The following DCLK2 variants were observed in gnomAD, a reference collection of about 807,000 sequenced individuals.
DCLK2 encodes the protein doublecortin like kinase 2.
Under a neutral mutation model 78.4 loss-of-function variants are expected in DCLK2, and 31 were observed. That is an observed-to-expected ratio of 0.40 (90% CI 0.30 to 0.53). The LOEUF is 0.53. DCLK2 is among the 20% of genes least tolerant of loss of function. DCLK2 has a pLI of 0.61. For synonymous variants in DCLK2, 407 were observed against 374.9 expected (o/e 1.09, Z -0.99); for missense variants, 872 against 973.7 (o/e 0.90, Z 1.39).
rs143383830 is a variant in DCLK2 at position 150,115,882 on chromosome 4, G to A, written c.756+13070G>A. Among the ~76,000 whole-genome samples, 512 of 152,324 alleles carry A rather than the reference G, an allele frequency of 3.4e-3. 4 individuals are homozygous for A. Among genetic ancestry groups the A allele is most frequent in the African/African-American group, 0.011 (442 of 41,566 alleles). ...AACCGGTCATGGCTAAAGCAGGTGGGTAAATGTAATATCCAGTGGTGAACA... is the reference window on the plus strand; with the variant it reads ...AACCGGTCATGGCTAAAGCAGGTGGATAAATGTAATATCCAGTGGTGAACA... On this transcript the variant is annotated intron_variant, in intron 2 of 15. Coordinates refer to ENST00000296550, the MANE Select transcript of DCLK2 (RefSeq NM_001040260.4).
intron 12 of DCLK2, among the ~76,000 whole-genome samples, chr4:150,243,042 C>T (rs1015673331): frequency 3.3e-5 from 5 of 152,096 alleles, no homozygotes; most frequent in African/African-American, 9.7e-5. Flanking sequence ...TGAGTTTGAG[C>T]GGACTGTGTG....
At chr4:150,159,638 T>C (rs1270668034) in intron 2 of DCLK2, among the ~76,000 whole-genome samples, 1 of 152,364 alleles carries the variant, frequency 6.6e-6, no homozygotes, top group South Asian at 2.1e-4. Context: ...TGTGCAGTAA[T>C]ATCATAATTA....
intron 12 of DCLK2, 132 bp from the exon 13 acceptor site, chr4:150,247,470 AC>A (rs1743409938): frequency 1.6e-6 from 1 of 640,382 alleles, no homozygotes; most frequent in Non-Finnish European, 2.8e-6. Flanking sequence ...GAATTGAGAT[AC>A]ATAATTGAGA....
intron 2 of DCLK2, among the ~76,000 whole-genome samples, chr4:150,142,348 C>A (rs1734165759): frequency 6.6e-6 from 1 of 152,048 alleles, no homozygotes; most frequent in Non-Finnish European, 1.5e-5. Flanking sequence ...CGTGATTGAC[C>A]CCAGATCTTT....
chr4:150,209,450 G>C (rs1314389984), intron 5 of DCLK2, among the ~76,000 whole-genome samples: 1 of 152,208 alleles, frequency 6.6e-6, no homozygotes, highest in Admixed American at 6.5e-5. Context: ...AGATCTCCTC[G>C]AGACTCTGGT....
intron 5 of DCLK2, among the ~76,000 whole-genome samples, chr4:150,209,151 A>G (rs1740101636): frequency 6.6e-6 from 1 of 152,244 alleles, no homozygotes; most frequent in South Asian, 2.1e-4. Flanking sequence ...ATTAAAGGCT[A>G]ACGCCATCCA....
intron 1 of DCLK2, among the ~76,000 whole-genome samples, chr4:150,095,935 G>A (rs976968344): frequency 6.6e-6 from 1 of 152,240 alleles, no homozygotes; most frequent in African/African-American, 2.4e-5. Context: ...TGACACTAAT[G>A]TAGGAACCTG....
In DCLK2 at chr4:150,240,401, A is replaced by G. The variant is rs1742829309; in HGVS notation, c.1703A>G (p.Tyr568Cys). The G allele has an allele frequency of 1.2e-6, 2 of 1,613,620 alleles. No individual in the cohort carries two copies. The highest frequency in any genetic ancestry group is 8.5e-7 in the Non-Finnish European group (1 of 1,179,740). ...CCTCACCCACTTTGTTTTCCTAGCT[A>G]TGGCCTGAAGGTGGACATTTGGGCA... Reference protein sequence around the residue: ...VAPEIIAETGYGLKVDIWAAG... With the variant: ...VAPEIIAETGCGLKVDIWAAG... The change falls in exon 12 of 16, where the codon TAT (tyrosine) becomes TGT (cysteine). Residue 568 changes from tyrosine (Y) to cysteine (C), a missense_variant and splice_region_variant. Physicochemically the swap from Tyr to Cys is radical, Grantham distance 194. Around this residue, in one of 3 missense-constraint regions of DCLK2, gnomAD observed 86 missense variants for 150.3 expected, o/e 0.57. Coordinates refer to ENST00000296550, the MANE Select transcript of DCLK2 (RefSeq NM_001040260.4).
At chr4:150,080,105 T>C (rs1729136342) in intron 1 of DCLK2, among the ~76,000 whole-genome samples, 6 of 137,308 alleles carry the variant, frequency 4.4e-5, no homozygotes, top group Admixed American at 1.5e-4. Context: ...GTCTGGAGTC[T>C]CAAAAGCCCC....
intron 5 of DCLK2, among the ~76,000 whole-genome samples, chr4:150,216,813 C>T (rs1740757597): frequency 6.6e-6 from 1 of 152,100 alleles, no homozygotes; most frequent in Non-Finnish European, 1.5e-5. Context: ...CCCTCCTTGG[C>T]CAAGCAGAAT....
At chr4:150,164,465 T>C (rs1560825178) in intron 2 of DCLK2, among the ~76,000 whole-genome samples, 1 of 152,220 alleles carries the variant, frequency 6.6e-6, no homozygotes. Context: ...AGCTGTTAAT[T>C]TGTAGATAAA....
rs1437419543 is a variant in DCLK2 at position 150,247,690 on chromosome 4, C to G, written c.1866C>G (p.Asp622Glu). The G allele has an allele frequency of 1.9e-6, 3 of 1,613,980 alleles. No individual in the cohort carries two copies. The highest frequency in any genetic ancestry group is 2.5e-6 in the Non-Finnish European group (3 of 1,179,940). Residue 622 changes from aspartate to glutamate, a missense_variant, in exon 13 of 16, where the codon GAC becomes GAG. Physicochemically the swap from Asp to Glu is conservative, Grantham distance 45. Transcript: ENST00000296550. Reference protein sequence around the residue: ...FPAPYWDNITDSAKELISQML... With the variant: ...FPAPYWDNITESAKELISQML... The stretch of plus-strand genomic sequence containing the variant: ...CCCCCTACTGGGATAACATCACGGA[C>G]TCTGCCAAGGTACCCTCCAGGCCTG...
rs185967685 is a variant in DCLK2 at position 150,240,215 on chromosome 4, G to C, written c.1701-184G>C. ...GTATGGCAGTAGTCACCAAGACTGT[G>C]GTTAGGTTGGCAGAAACAGATGCCT... On this transcript the variant is annotated intron_variant, in intron 11 of 15. Transcript: ENST00000296550. Among the ~76,000 whole-genome samples, 683 of 152,268 alleles carry C rather than the reference G, an allele frequency of 4.5e-3. 18 individuals carry two copies. The highest frequency in any genetic ancestry group is 0.043 in the Admixed American group (652 of 15,292).
chr4:150,232,304 T>A, intron 8 of DCLK2, 33 bp from the exon 9 acceptor site: 2 of 1,605,306 alleles, frequency 1.2e-6, no homozygotes, highest in South Asian at 2.2e-5. Context: ...TTCTGTGATT[T>A]CTGATCTCCT....
rs569409592 is a variant in DCLK2 at position 150,092,447 on chromosome 4, T to A, written c.422-10031T>A. Among the ~76,000 whole-genome samples the A allele has an allele frequency of 4.6e-5, 7 of 152,310 alleles. No homozygotes were observed. The East Asian group carries it at 1.4e-3, about 29-fold the overall frequency. ...CCAACAGTGTACTAGAGTTCCAGTA[T>A]CTCTACATCTTCTCTAATACCTTTT... On this transcript the variant is annotated intron_variant, in intron 1 of 15. Coordinates refer to ENST00000296550, the MANE Select transcript of DCLK2 (RefSeq NM_001040260.4).
rs1304396902 is a variant in DCLK2, at chr4:150,228,218, C to CT, written c.1299+3664dup. Among the ~76,000 whole-genome samples, 7 of 152,328 alleles carry CT rather than the reference C, an allele frequency of 4.6e-5. No homozygotes were observed. In the East Asian group the frequency reaches 1.3e-3, roughly 29 times the overall value. On this transcript the variant is annotated intron_variant, in intron 8 of 15. Transcript: ENST00000296550. ...AACCCTTCATCACATCTGCAGAACT[C>CT]TTTTCCCAAGTAAGGTAATATTTGC... is the stretch of plus-strand genomic sequence containing the variant.
rs1454035697 is a variant in DCLK2, at chr4:150,175,011, A to AAAAAAAAATATATATAT, written c.757-18126_757-18125insAAAAAAATATATATATA. 6.0e-4 allele frequency among the ~76,000 whole-genome samples: 6 copies of AAAAAAAAATATATATAT among 9,976 alleles called. 1 individual carries two copies. Among genetic ancestry groups the AAAAAAAAATATATATAT allele is most frequent in the Admixed American group, 2.2e-3 (1 of 446 alleles). The allele number at this position is 9,976 out of a possible 152,430, so 6.5% of individuals were successfully genotyped here. On this transcript the variant is annotated intron_variant, in intron 2 of 15. Coordinates refer to ENST00000296550, the MANE Select transcript of DCLK2 (RefSeq NM_001040260.4). ...AGACTCCGTCGCAAAAAAAAAAAAA[A>AAAAAAAAATATATATAT]ATATATATATATATATATATATTTA... is the stretch of plus-strand genomic sequence containing the variant.
intron 1 of DCLK2, among the ~76,000 whole-genome samples, chr4:150,082,887 A>G (rs1729405884): frequency 5.3e-5 from 8 of 152,144 alleles, no homozygotes; most frequent in Admixed American, 4.6e-4. Flanking sequence ...AAATATTTAT[A>G]AAGTTTTGAT....
intron 1 of DCLK2, among the ~76,000 whole-genome samples, chr4:150,080,119 C>T (rs908111538): frequency 1.3e-5 from 2 of 151,034 alleles, no homozygotes; most frequent in East Asian, 1.9e-4. Flanking sequence ...AAGCCCCCCC[C>T]CCAGGTGATT....
Sources: allele counts gnomAD v4.1 joint callset (sites outside exome capture counted in the v4.1 genomes callset), GRCh38; gene constraint gnomAD v4.1.1; regional missense constraint gnomAD v4.1.1; transcripts MANE v1.5; gene names NCBI Gene and HGNC (gene_info 2026-07-23, HGNC 2026-07-21).